GPR158: variants seen among roughly 807,000 people sequenced by gnomAD.
The protein encoded by GPR158 is metabotropic glycine receptor.
A neutral mutation model predicts 78.2 loss-of-function variants in GPR158; 30 were observed. The observed-to-expected ratio is 0.38, with a 90% CI of 0.29 to 0.52. The LOEUF (loss-of-function observed/expected upper bound fraction) is 0.52, where lower values mean the gene tolerates loss of function less well. Among genes scored for constraint, GPR158 ranks in the 20% least tolerant of loss-of-function variants. The pLI is 0.83. For synonymous variants in GPR158, 581 were observed against 591.1 expected (o/e 0.98, Z 0.25); for missense variants, 1,463 against 1,523.5 (o/e 0.96, Z 0.66).
intron 2 of GPR158, among the ~76,000 whole-genome samples, chr10:25,368,958 T>G (rs1833948115): frequency 3.8e-5 from 2 of 51,980 alleles, no homozygotes; most frequent in Non-Finnish European, 1.1e-4. Flanking sequence ...CACTCATGAT[T>G]TGGCTCTCTG....
intron 5 of GPR158, among the ~76,000 whole-genome samples, chr10:25,535,131 A>C (rs1399269608): frequency 1.3e-5 from 2 of 152,236 alleles, no homozygotes; most frequent in African/African-American, 4.8e-5. Context: ...ACCCAGGTAG[A>C]TAACAGCATT....
At chr10:25,418,848 A>G (rs142151888) in intron 4 of GPR158, among the ~76,000 whole-genome samples, 2 of 149,766 alleles carry the variant, frequency 1.3e-5, no homozygotes, top group Non-Finnish European at 3.0e-5. Flanking sequence ...TTTAAAAAAC[A>G]TGGACACACT....
chr10:25,348,314 G>A (rs1760759), intron 2 of GPR158, among the ~76,000 whole-genome samples: 82,940 of 150,458 alleles, frequency 0.55, 26,990 homozygotes, highest in Non-Finnish European at 0.75. Flanking sequence ...AGACACAAAT[G>A]CATACAGACA....
At chr10:25,535,854 A>G (rs1157019365) in intron 5 of GPR158, among the ~76,000 whole-genome samples, 2 of 152,230 alleles carry the variant, frequency 1.3e-5, no homozygotes, top group Admixed American at 6.5e-5. Flanking sequence ...TTGAAGATAC[A>G]TTTAGAATAA....
At chr10:25,383,368 G>A (rs34893617) in intron 2 of GPR158, among the ~76,000 whole-genome samples, 1 of 152,130 alleles carries the variant, frequency 6.6e-6, no homozygotes, top group South Asian at 2.1e-4. Flanking sequence ...ATAAGTCTCC[G>A]GTCAAAACAA....
At chr10:25,439,836 TC>T (rs1487762165) in intron 4 of GPR158, among the ~76,000 whole-genome samples, 1 of 152,228 alleles carries the variant, frequency 6.6e-6, no homozygotes, top group African/African-American at 2.4e-5. Flanking sequence ...TACAATTGTG[TC>T]TACAAAATTT....
intron 2 of GPR158, among the ~76,000 whole-genome samples, chr10:25,369,051 C>T (rs1833950085): frequency 6.6e-6 from 1 of 151,398 alleles, no homozygotes. Context: ...AGTTGCTTAT[C>T]AGCTTGAGAT....
intron 2 of GPR158, among the ~76,000 whole-genome samples, chr10:25,367,704 C>A (rs1833908959): frequency 6.6e-6 from 1 of 151,672 alleles, no homozygotes; most frequent in Admixed American, 6.6e-5. Context: ...ATTTCAAAGT[C>A]ACATATTTAG....
intron 4 of GPR158, among the ~76,000 whole-genome samples, chr10:25,449,548 A>C (rs1478143215): frequency 1.3e-5 from 2 of 152,226 alleles, no homozygotes; most frequent in East Asian, 1.9e-4. Context: ...TGGTTAGTTC[A>C]GAAAAGACTT....
chr10:25,595,538 G>A (rs1450468273), intron 9 of GPR158, among the ~76,000 whole-genome samples: 2 of 152,262 alleles, frequency 1.3e-5, no homozygotes, highest in South Asian at 4.1e-4. Flanking sequence ...ACAACATGTG[G>A]TATATCCATA....
Position 25,176,360 on chromosome 10 carries a change from G to T in GPR158, c.902+38G>T. ...GGGGGGCAGGGGGGAAGGCAAAAGC[G>T]AAGCTTTCCTTCCGGTCTTGTGGGT... is the stretch of plus-strand genomic sequence containing the variant. On this transcript the variant is annotated intron_variant, in intron 1 of 10. Transcript: ENST00000376351. The surrounding 1 kb of genome is among the most constrained non-coding windows in gnomAD (Gnocchi z 6.3). The T allele has an allele frequency of 6.8e-7, 1 of 1,465,430 alleles. No homozygotes were observed. The highest frequency in any genetic ancestry group is 9.2e-7 in the Non-Finnish European group (1 of 1,086,836). The allele number at this position is 1,465,430 out of a possible 1,614,324, so 90.8% of individuals were successfully genotyped here. A position where few individuals can be genotyped will look rare whatever the true frequency, so the allele number is the denominator to read the frequency against.
At chr10:25,466,239 C>G (rs143639678) in intron 4 of GPR158, 7 of 158,504 alleles carry the variant, frequency 4.4e-5, no homozygotes, top group African/African-American at 1.7e-4. Context: ...GTGTATTTGT[C>G]TAATCAAGCT....
chr10:25,330,642 C>T (rs1855105832), intron 2 of GPR158, among the ~76,000 whole-genome samples: 1 of 152,194 alleles, frequency 6.6e-6, no homozygotes, highest in South Asian at 2.1e-4. Flanking sequence ...ATTATACTTT[C>T]TTCTACCCTT....
chr10:25,418,241 AAG>A (rs1219648987), intron 4 of GPR158, among the ~76,000 whole-genome samples: 2 of 152,204 alleles, frequency 1.3e-5, no homozygotes, highest in Non-Finnish European at 2.9e-5. Context: ...ATTTAATTGA[AAG>A]AGATTTGTCC....
At chr10:25,269,752 A>G (rs2130741672) in intron 2 of GPR158, among the ~76,000 whole-genome samples, 1 of 152,302 alleles carries the variant, frequency 6.6e-6, no homozygotes, top group South Asian at 2.1e-4. Flanking sequence ...AAAACGGAGA[A>G]ACTGAGCTGA....
At chr10:25,528,250 G>T (rs1836376254) in intron 5 of GPR158, among the ~76,000 whole-genome samples, 1 of 151,520 alleles carries the variant, frequency 6.6e-6, no homozygotes, top group African/African-American at 2.4e-5. Context: ...AAAAGAACAT[G>T]ACAAACAATA....
intron 1 of GPR158, among the ~76,000 whole-genome samples, chr10:25,217,278 T>C (rs777532232): frequency 1.1e-4 from 17 of 152,164 alleles, no homozygotes; most frequent in Non-Finnish European, 2.2e-4. Context: ...TTAGTCTGGG[T>C]TAAGCAATAT....
intron 6 of GPR158, among the ~76,000 whole-genome samples, chr10:25,557,846 T>G (rs529513357): frequency 6.6e-6 from 1 of 152,188 alleles, no homozygotes; most frequent in Non-Finnish European, 1.5e-5. Flanking sequence ...ATCATTTTAA[T>G]GGTCCTTCCT....
intron 2 of GPR158, among the ~76,000 whole-genome samples, chr10:25,239,790 G>T (rs1159209598): frequency 6.6e-6 from 1 of 151,972 alleles, no homozygotes; most frequent in Non-Finnish European, 1.5e-5. Flanking sequence ...GGTTTGTCTG[G>T]TTTTAGCTAT....
Sources: gnomAD v4.1 joint callset for allele counts (sites outside exome capture counted in the v4.1 genomes callset) on GRCh38, gnomAD v4.1.1 for gene constraint, Gnocchi (gnomAD v3.1) non-coding constraint, MANE v1.5 for transcripts, NCBI Gene and HGNC (gene_info 2026-07-23, HGNC 2026-07-21) for gene names.